Variants in ANO10 observed in about 807,000 individuals in gnomAD.
ANO10 encodes anoctamin-10.
Under a neutral mutation model 74.7 loss-of-function variants are expected in ANO10, and 77 were observed. That is an observed-to-expected ratio of 1.03 (90% CI 0.86 to 1.25). ANO10 has a LOEUF of 1.25. Among genes scored for constraint, ANO10 ranks in the 50% most tolerant of loss-of-function variants. The pLI is 0.00. For missense variants in ANO10, 721 were observed against 778.1 expected, an observed-to-expected ratio of 0.93 and a Z score of 0.87; for synonymous variants, 279 against 284.9, an observed-to-expected ratio of 0.98 and a Z score of 0.21.
intron 6 of ANO10, among the ~76,000 whole-genome samples, chr3:43,576,204 T>C (rs1016948394): frequency 6.6e-6 from 1 of 152,012 alleles, no homozygotes; most frequent in African/African-American, 2.4e-5. Context: ...CTGAGTATCA[T>C]GAAGACATTT....
At chr3:43,690,906 G>C (rs1279762636) in intron 1 of ANO10, 2 of 1,424,040 alleles carry the variant, frequency 1.4e-6, no homozygotes, top group Middle Eastern at 2.3e-4. Context: ...GGCCTGCGCC[G>C]CCTTAAGTGC....
rs1193275624 is a variant in ANO10, at chr3:43,651,875, C to T, written c.-12+39642G>A. Among the ~76,000 whole-genome samples, 2 of 152,134 alleles carry T rather than the reference C, an allele frequency of 1.3e-5. 1 individual carries two copies. Among genetic ancestry groups the T allele is most frequent in the Admixed American group, 1.3e-4 (2 of 15,278 alleles). On this transcript the variant is annotated intron_variant, in intron 1 of 3. Coordinates refer to the ANO10 transcript ENST00000413397. ...AAGTTATTTCCTCCTACAATACAGT[C>T]TAGGGTTGGTTGTAGCAAGACCATT...
chr3:43,451,727 C>T (rs577518878), intron 11 of ANO10, among the ~76,000 whole-genome samples: 2 of 152,202 alleles, frequency 1.3e-5, no homozygotes, highest in South Asian at 4.1e-4. Flanking sequence ...TTAGATAAGA[C>T]TATAAAGTAA....
chr3:43,684,378 G>T (rs1280143597), intron 1 of ANO10, among the ~76,000 whole-genome samples: 1 of 152,168 alleles, frequency 6.6e-6, no homozygotes, highest in African/African-American at 2.4e-5. Flanking sequence ...AAGCTAAAAT[G>T]AAATACCATC....
chr3:43,511,647 G>C (rs890430532), intron 11 of ANO10, among the ~76,000 whole-genome samples: 2 of 152,088 alleles, frequency 1.3e-5, no homozygotes, highest in African/African-American at 2.4e-5. Context: ...TTTAGTTTTA[G>C]GATATACAGC....
At chr3:43,577,310 T>C (rs754979663) in intron 5 of ANO10, 49 bp from the exon 6 acceptor site, 3 of 1,542,734 alleles carry the variant, frequency 1.9e-6, no homozygotes, top group Non-Finnish European at 2.7e-6. Context: ...CCAAACACTT[T>C]AAAAAATCAT....
intron 11 of ANO10, among the ~76,000 whole-genome samples, chr3:43,477,193 T>C (rs575178491): frequency 1.3e-4 from 20 of 152,268 alleles, no homozygotes; most frequent in Admixed American, 9.2e-4. Context: ...GATCAGCATA[T>C]TGAGATGATA....
intron 4 of ANO10, among the ~76,000 whole-genome samples, chr3:43,595,224 A>C (rs2082016408): frequency 1.3e-5 from 2 of 152,318 alleles, no homozygotes; most frequent in East Asian, 3.9e-4. Context: ...AACTATTCCA[A>C]TCAATAGAAA....
intron 12 of ANO10, among the ~76,000 whole-genome samples, chr3:43,391,851 C>A (rs950687890): frequency 1.3e-5 from 2 of 152,120 alleles, no homozygotes; most frequent in African/African-American, 4.8e-5. Context: ...GAGTCAGAGG[C>A]ACTGAAGTAA....
intron 12 of ANO10, among the ~76,000 whole-genome samples, chr3:43,379,168 G>T (rs1379659496): frequency 1.3e-5 from 2 of 152,106 alleles, no homozygotes; most frequent in Middle Eastern, 3.2e-3. Flanking sequence ...TGTCCCAGTT[G>T]GTGACAAAAG....
chr3:43,684,920 G>C (rs569708341), intron 1 of ANO10, among the ~76,000 whole-genome samples: 2 of 152,236 alleles, frequency 1.3e-5, no homozygotes, highest in East Asian at 1.9e-4. Context: ...ATCACACACC[G>C]GGGCCTGTTG....
intron 1 of ANO10, among the ~76,000 whole-genome samples, chr3:43,676,538 G>A (rs1033411101): frequency 2.0e-5 from 3 of 152,134 alleles, no homozygotes; most frequent in African/African-American, 7.2e-5. Flanking sequence ...AAAATTATAG[G>A]AATAGATTAG....
intron 11 of ANO10, among the ~76,000 whole-genome samples, chr3:43,474,011 A>C (rs533006361): frequency 6.6e-6 from 1 of 152,236 alleles, no homozygotes; most frequent in African/African-American, 2.4e-5. Flanking sequence ...ATGTGTATAC[A>C]GTTTTGGAAT....
At chr3:43,512,936 G>A (rs1420721891) in intron 11 of ANO10, among the ~76,000 whole-genome samples, 1 of 152,188 alleles carries the variant, frequency 6.6e-6, no homozygotes, top group Admixed American at 6.6e-5. Context: ...CCACAGTGCA[G>A]GGAGAAAACG....
At chr3:43,372,798 T>C (rs1425192912) in intron 12 of ANO10, 1 of 1,530,326 alleles carries the variant, frequency 6.5e-7, no homozygotes, top group African/African-American at 1.4e-5. Context: ...TGGCACTGAG[T>C]TGGTGCTCCA....
intron 12 of ANO10, among the ~76,000 whole-genome samples, chr3:43,395,771 CAAA>C (rs35046151): frequency 7.2e-6 from 1 of 138,592 alleles, no homozygotes. Flanking sequence ...TCAACTTCTA[CAAA>C]AAAAAAAAAG....
intron 12 of ANO10, among the ~76,000 whole-genome samples, chr3:43,425,363 G>T (rs192625204): frequency 2.6e-5 from 4 of 151,574 alleles, no homozygotes; most frequent in Admixed American, 6.6e-5. Flanking sequence ...CAAATGGAGC[G>T]GGGGGAAGAA....
chr3:43,366,933 C>T lies in ANO10; in HGVS notation c.1956G>A (p.Met652Ile). 1.2e-6 allele frequency: 2 copies of T among 1,600,032 alleles called. No individual in the cohort carries two copies. Among genetic ancestry groups the T allele is most frequent in the Admixed American group, 1.7e-5 (1 of 57,928 alleles). The change falls in exon 13 of 13, where the codon ATG becomes ATA. Residue 652 changes from methionine to isoleucine, a missense_variant. Physicochemically the swap from Met to Ile is conservative, Grantham distance 10. Transcript: ENST00000292246. The stretch of plus-strand genomic sequence containing the variant: ...AGGTTGCCTTCTCCTTCCCGCTTTC[C>T]ATTGGTTCCTCCTTCAGGTTCTCGG... ...LVTENLKEEP[M>I]ESGKEKAT
intron 11 of ANO10, among the ~76,000 whole-genome samples, chr3:43,507,804 T>C (rs151118624): frequency 2.0e-5 from 3 of 152,226 alleles, no homozygotes; most frequent in East Asian, 3.9e-4. Context: ...TGAAATGCCA[T>C]CTGCACACGG....
Sources: gnomAD v4.1 joint callset for allele counts (sites outside exome capture counted in the v4.1 genomes callset) on GRCh38, gnomAD v4.1.1 for gene constraint, MANE v1.5 for transcripts, NCBI Gene and HGNC (gene_info 2026-07-23, HGNC 2026-07-21) for gene names.